MCPH1: variants seen among roughly 807,000 people sequenced by gnomAD.
The protein encoded by MCPH1 is microcephalin 1, also known as microcephalin.
MCPH1 carries 104 observed loss-of-function variants against 84.5 expected under a neutral mutation model. That is an observed-to-expected ratio of 1.23 (90% CI 1.05 to 1.45). The LOEUF (loss-of-function observed/expected upper bound fraction) is 1.45, where lower values mean the gene tolerates loss of function less well. MCPH1 is among the 40% of genes most tolerant of loss of function. The pLI is 0.00. For missense variants in MCPH1, 1,498 were observed against 1,005.7 expected (o/e 1.49, Z -6.62); for synonymous variants, 514 against 366.8 (o/e 1.40, Z -4.58).
chr8:6,568,274 C>T (rs369842421), intron 12 of MCPH1, among the ~76,000 whole-genome samples: 15 of 138,304 alleles, frequency 1.1e-4, no homozygotes, highest in African/African-American at 3.3e-4. Flanking sequence ...GTGGACCCAT[C>T]GCTAGCTGAA....
At chr8:6,614,063 T>G (rs1830557130) in intron 12 of MCPH1, among the ~76,000 whole-genome samples, 1 of 152,158 alleles carries the variant, frequency 6.6e-6, no homozygotes, top group South Asian at 2.1e-4. Context: ...ATGCCGACTT[T>G]GATGGGCTCA....
chr8:6,474,775 G>C (rs962946871), intron 9 of MCPH1, among the ~76,000 whole-genome samples: 7 of 152,136 alleles, frequency 4.6e-5, no homozygotes, highest in Non-Finnish European at 1.0e-4. Context: ...CAAGATGGGA[G>C]GATTGCCGAG....
intron 3 of MCPH1, among the ~76,000 whole-genome samples, chr8:6,426,844 T>C (rs918624162): frequency 3.3e-5 from 5 of 152,196 alleles, no homozygotes; most frequent in Admixed American, 3.3e-4. Context: ...TTCCCAACAT[T>C]GTTTTAAGAT....
chr8:6,530,429 A>G (rs1388085850), intron 12 of MCPH1, among the ~76,000 whole-genome samples: 1 of 150,698 alleles, frequency 6.6e-6, no homozygotes, highest in Non-Finnish European at 1.5e-5. Context: ...GAATCGCTTG[A>G]ACCCGGGAGG....
intron 12 of MCPH1, among the ~76,000 whole-genome samples, chr8:6,546,419 G>C (rs142455787): frequency 6.6e-6 from 1 of 152,208 alleles, no homozygotes; most frequent in South Asian, 2.1e-4. Flanking sequence ...AGCATAGAGC[G>C]TAAAATGCAG....
chr8:6,589,412 T>A (rs958454599), intron 12 of MCPH1, among the ~76,000 whole-genome samples: 13 of 152,222 alleles, frequency 8.5e-5, no homozygotes, highest in African/African-American at 2.7e-4. Flanking sequence ...ACAGGATCTT[T>A]GTATCCAATG....
intron 12 of MCPH1, among the ~76,000 whole-genome samples, chr8:6,611,130 T>TCACACA (rs138053875): frequency 0.17 from 24,955 of 149,766 alleles, 2,182 homozygotes; most frequent in East Asian, 0.32. Context: ...ACACACACAC[T>TCACACA]CACACACACA....
At position 6,648,272 on chromosome 8, in the gene MCPH1, G is replaced by T. The variant is rs550973549; in HGVS notation, c.*5223G>T. On this transcript the variant is annotated 3_prime_UTR_variant, in exon 14 of 14. Transcript: ENST00000344683. ...GTCAGACCTCCACAGTGGCCAGAAGGTTTTCCATACCTGAGCCTGCTTCTA... is the reference window on the plus strand; with the variant it reads ...GTCAGACCTCCACAGTGGCCAGAAGTTTTTCCATACCTGAGCCTGCTTCTA... The T allele has an allele frequency of 6.6e-6, 1 of 152,210 alleles. No homozygotes were observed. The highest frequency in any genetic ancestry group is 1.5e-5 in the Non-Finnish European group (1 of 68,084). 9.4% of individuals were successfully genotyped at this position (152,210 alleles called of 1,614,324 possible). A position where few individuals can be genotyped will look rare whatever the true frequency, so the allele number is the denominator to read the frequency against.
chr8:6,642,134 ACTT>A (rs563898410), intron 13 of MCPH1, among the ~76,000 whole-genome samples: 117 of 152,288 alleles, frequency 7.7e-4, no homozygotes, highest in African/African-American at 2.5e-3. Flanking sequence ...CATCTGTGTG[ACTT>A]CTTAAGTTCC....
intron 12 of MCPH1, among the ~76,000 whole-genome samples, chr8:6,537,019 T>C (rs576442110): frequency 4.7e-5 from 7 of 150,138 alleles, no homozygotes; most frequent in African/African-American, 1.5e-4. Flanking sequence ...CATCCTCCAC[T>C]GGCAGCACCA....
chr8:6,436,629 A>G (rs1310153998), intron 5 of MCPH1, among the ~76,000 whole-genome samples: 6 of 151,228 alleles, frequency 4.0e-5, no homozygotes, highest in African/African-American at 1.2e-4. Context: ...AGAAAAAAAT[A>G]TATGTATTCT....
rs879589352 is a variant in MCPH1, at chr8:6,601,545, A to ACACACACC, written c.2215-19908_2215-19907insACACACCC. On this transcript the variant is annotated intron_variant, in intron 12 of 13. Transcript: ENST00000344683. ...GGGACACACACACACACACACACAC[A>ACACACACC]CCCCTACGCACACCCACACCCCACA... is the stretch of plus-strand genomic sequence containing the variant. Among the ~76,000 whole-genome samples the ACACACACC allele has an allele frequency of 2.3e-4, 33 of 144,344 alleles. No homozygotes were observed. The South Asian group carries it at 3.7e-3, about 16-fold the overall frequency. The allele number at this position is 144,344 out of a possible 152,430, so 94.7% of individuals were successfully genotyped here.
chr8:6,636,647 C>T (rs1347616785), intron 13 of MCPH1, among the ~76,000 whole-genome samples: 3 of 152,196 alleles, frequency 2.0e-5, no homozygotes, highest in Non-Finnish European at 4.4e-5. Context: ...CTGGCAATCA[C>T]ACCAGTCTAT....
intron 11 of MCPH1, among the ~76,000 whole-genome samples, chr8:6,482,755 C>G (rs923786370): frequency 1.3e-5 from 2 of 152,148 alleles, no homozygotes; most frequent in African/African-American, 2.4e-5. Context: ...AGAAACAGAA[C>G]TGGGTGAAAT....
chr8:6,466,589 G>T (rs1806979510), intron 9 of MCPH1, among the ~76,000 whole-genome samples: 1 of 152,094 alleles, frequency 6.6e-6, no homozygotes. Context: ...TTACAGGCAT[G>T]AGCCACCACG....
At chr8:6,640,961 T>A (rs1438341148) in intron 13 of MCPH1, among the ~76,000 whole-genome samples, 3 of 152,234 alleles carry the variant, frequency 2.0e-5, no homozygotes, top group Non-Finnish European at 4.4e-5. Context: ...TTCTGGTTAT[T>A]CTCGTCCATT....
chr8:6,409,314 G>A lies in MCPH1; in HGVS notation c.58G>A (p.Gly20Arg), dbSNP rs202109303. The change falls in exon 2 of 14, where the codon GGA becomes AGA. Residue 20 changes from glycine (G) to arginine (R), a missense_variant. Transcript: ENST00000344683. ...CTATGTTGAAGTGTGGTCATCCAAT[G>A]GAACAGAAAATTATTCAAAGACATT... ...VAYVEVWSSN[G>R]TENYSKTFTT... 1.1e-4 allele frequency: 171 copies of A among 1,613,982 alleles called. No individual in the cohort carries two copies. The highest frequency in any genetic ancestry group is 1.4e-4 in the Non-Finnish European group (166 of 1,179,960).
intron 9 of MCPH1, among the ~76,000 whole-genome samples, chr8:6,463,455 T>C (rs1806503026): frequency 6.6e-6 from 1 of 152,202 alleles, no homozygotes; most frequent in Non-Finnish European, 1.5e-5. Context: ...AGAAAGTATA[T>C]TTCAGAGAGC....
chr8:6,464,843 C>G (rs1186631330), intron 9 of MCPH1, among the ~76,000 whole-genome samples: 1 of 152,032 alleles, frequency 6.6e-6, no homozygotes, highest in African/African-American at 2.4e-5. Context: ...ACTAAAAATA[C>G]AAAAAATTAC....
Sources: allele counts gnomAD v4.1 joint callset (sites outside exome capture counted in the v4.1 genomes callset), GRCh38; gene constraint gnomAD v4.1.1; transcripts MANE v1.5; gene names NCBI Gene and HGNC (gene_info 2026-07-23, HGNC 2026-07-21).